The following RPS6KA6 variants were observed in gnomAD, a reference collection of about 807,000 sequenced individuals.
The protein encoded by RPS6KA6 is ribosomal protein S6 kinase A6.
RPS6KA6 carries 27 observed loss-of-function variants against 65.4 expected under a neutral mutation model. The ratio of observed to expected loss-of-function variants is 0.41; its 90% confidence interval spans 0.30 to 0.57. The LOEUF is 0.57. Ranked by LOEUF, RPS6KA6 falls within the 20% of genes least tolerant of loss-of-function variation. The pLI is 0.24. For missense variants in RPS6KA6, 486 were observed against 555.6 expected, an observed-to-expected ratio of 0.87 and a Z score of 1.26; for synonymous variants, 190 against 184.2, an observed-to-expected ratio of 1.03 and a Z score of -0.26.
At chrX:84,082,776 C>A (rs1481957167) in intron 20 of RPS6KA6, among the ~76,000 whole-genome samples, 1 of 110,824 alleles carries the variant, frequency 9.0e-6, no homozygotes, top group Non-Finnish European at 1.9e-5. Context: ...AGAACAGGGG[C>A]CTCAGACATA....
chrX:84,167,275 T>C, intron 1 of RPS6KA6, among the ~76,000 whole-genome samples: 1 of 112,219 alleles, frequency 8.9e-6, no homozygotes, highest in South Asian at 3.7e-4. Flanking sequence ...GCAGCTTTAT[T>C]TATCATTGTC....
intron 2 of RPS6KA6, among the ~76,000 whole-genome samples, chrX:84,162,229 TA>T (rs746158369): frequency 1.2e-3 from 124 of 100,385 alleles, no homozygotes; most frequent in Middle Eastern, 5.1e-3. Context: ...TTTAAAACAG[TA>T]AAAAAAAAAG....
At chrX:84,079,698 C>A (rs2033747559) in intron 20 of RPS6KA6, among the ~76,000 whole-genome samples, 1 of 111,953 alleles carries the variant, frequency 8.9e-6, no homozygotes, top group Admixed American at 9.5e-5. Context: ...ACAGCGTAAA[C>A]AAAGCCACCC....
chrX:84,072,274 C>T (rs2033560765), intron 20 of RPS6KA6, among the ~76,000 whole-genome samples: 1 of 112,024 alleles, frequency 8.9e-6, no homozygotes, highest in Non-Finnish European at 1.9e-5. Context: ...ACACATAATA[C>T]ATCACATCAA....
chrX:84,134,768 G>T lies in RPS6KA6; in HGVS notation c.646+14C>A, dbSNP rs1395123250. Reference sequence around the variant, plus strand: ...AATCAAGTGGCTAAGGGTATAATAAGAAAATCTGCATACCTGTTAATTTGA... The same window carrying T: ...AATCAAGTGGCTAAGGGTATAATAATAAAATCTGCATACCTGTTAATTTGA... On this transcript the variant is annotated intron_variant, in intron 8 of 21. Transcript: ENST00000262752. 5.5e-6 allele frequency: 6 copies of T among 1,087,572 alleles called. No individual in the cohort carries two copies. Among genetic ancestry groups the T allele is most frequent in the Non-Finnish European group, 7.4e-6 (6 of 808,969 alleles). 89.6% of individuals were successfully genotyped at this position (1,087,572 alleles called of 1,213,427 possible).
intron 18 of RPS6KA6, among the ~76,000 whole-genome samples, chrX:84,101,088 ATTC>A (rs758837071): frequency 1.3e-4 from 14 of 111,058 alleles, no homozygotes; most frequent in Non-Finnish European, 2.1e-4. Flanking sequence ...GAAGATAGGA[ATTC>A]TTCTCAAATT....
intron 1 of RPS6KA6, among the ~76,000 whole-genome samples, chrX:84,177,339 A>G (rs887199271): frequency 1.8e-5 from 2 of 111,755 alleles, no homozygotes; most frequent in Non-Finnish European, 3.8e-5. Flanking sequence ...AGTGCTTACA[A>G]TGGAAAAGAC....
intron 1 of RPS6KA6, among the ~76,000 whole-genome samples, chrX:84,166,673 C>T (rs6622941): frequency 0.051 from 5,632 of 110,418 alleles, 197 homozygotes; most frequent in East Asian, 0.2. Context: ...AATCACTTAA[C>T]GAAATAAAGG....
intron 3 of RPS6KA6, among the ~76,000 whole-genome samples, chrX:84,153,280 T>C (rs2035360520): frequency 8.9e-6 from 1 of 111,885 alleles, no homozygotes; most frequent in Non-Finnish European, 1.9e-5. Flanking sequence ...AATCCACAAA[T>C]ATTAAAATGT....
chrX:84,096,368 A>G (rs1329828157), intron 19 of RPS6KA6, 57 bp from the exon 20 acceptor site: 2 of 506,672 alleles, frequency 3.9e-6, no homozygotes, highest in Non-Finnish European at 6.2e-6. Flanking sequence ...AAACAATGAA[A>G]GAGATACATA....
intron 8 of RPS6KA6, among the ~76,000 whole-genome samples, chrX:84,126,530 G>C (rs1205496463): frequency 9.0e-6 from 1 of 111,173 alleles, no homozygotes; most frequent in East Asian, 2.8e-4. Flanking sequence ...TTCATCCAAA[G>C]GCTGCAGAAT....
chrX:84,151,346 G>C (rs935114432), intron 3 of RPS6KA6, among the ~76,000 whole-genome samples: 1 of 107,684 alleles, frequency 9.3e-6, no homozygotes, highest in East Asian at 2.9e-4. Flanking sequence ...GCAATGAAGG[G>C]AAGCATAATA....
At chrX:84,164,725 C>T (rs943723473) in intron 1 of RPS6KA6, among the ~76,000 whole-genome samples, 3 of 111,771 alleles carry the variant, frequency 2.7e-5, no homozygotes, top group Admixed American at 1.9e-4. Context: ...AAAAATGCCA[C>T]AGAAATCTAC....
intron 8 of RPS6KA6, among the ~76,000 whole-genome samples, chrX:84,126,338 T>C (rs1419172937): frequency 9.0e-6 from 1 of 111,424 alleles, no homozygotes; most frequent in Non-Finnish European, 1.9e-5. Context: ...AGCAACCATA[T>C]ATACAGAGCA....
At chrX:84,142,704 A>C (rs1317568871) in intron 6 of RPS6KA6, among the ~76,000 whole-genome samples, 1 of 111,650 alleles carries the variant, frequency 9.0e-6, no homozygotes, top group Non-Finnish European at 1.9e-5. Context: ...ACAATAAGGG[A>C]ATATTATGAA....
chrX:84,064,313 T>C lies in RPS6KA6; in HGVS notation c.2202A>G (p.Arg734=). Residue 734 remains arginine (R), a synonymous_variant, in exon 22 of 22, where the codon CGA becomes CGG. Transcript: ENST00000262752. ...EPVAASSLAQ[R]RSMKKRTSTG... ...TTGATGTTCGCTTTTTCATGCTCCG[T>C]CGCTGGGCTAAGCTTGAAGCAGCTA... 1 of 1,208,974 alleles carries C rather than the reference T, an allele frequency of 8.3e-7. No individual in the cohort carries two copies. The highest frequency in any genetic ancestry group is 1.1e-6 in the Non-Finnish European group (1 of 894,074).
chrX:84,088,931 G>T (rs2033987264), intron 20 of RPS6KA6, among the ~76,000 whole-genome samples: 1 of 111,628 alleles, frequency 9.0e-6, no homozygotes, highest in Non-Finnish European at 1.9e-5. Flanking sequence ...GTGCTGGGTT[G>T]TGGGGGACTC....
At chrX:84,107,117 T>A in intron 13 of RPS6KA6, 77 bp from the exon 14 acceptor site, 1 of 838,611 alleles carries the variant, frequency 1.2e-6, no homozygotes, top group Non-Finnish European at 1.7e-6. Flanking sequence ...TTTCTTTAAC[T>A]ATAAAGGAAA....
chrX:84,163,596 G>A (rs1009671081), intron 2 of RPS6KA6, among the ~76,000 whole-genome samples: 29 of 93,045 alleles, frequency 3.1e-4, no homozygotes, highest in Non-Finnish European at 3.7e-4. Context: ...CCGAGATTGC[G>A]CCACTGCAGT....
Sources: gnomAD v4.1 joint callset for allele counts (sites outside exome capture counted in the v4.1 genomes callset) on GRCh38, gnomAD v4.1.1 for gene constraint, MANE v1.5 for transcripts, NCBI Gene and HGNC (gene_info 2026-07-23, HGNC 2026-07-21) for gene names.